The following GATAD2B variants were observed in gnomAD, a reference collection of about 807,000 sequenced individuals.
GATAD2B encodes transcriptional repressor p66-beta.
In GATAD2B, 8 loss-of-function variants were observed where a neutral mutation model predicts 64.3. The observed-to-expected ratio is 0.12, with a 90% CI of 0.07 to 0.22. GATAD2B has a LOEUF of 0.22. Among genes scored for constraint, GATAD2B ranks in the 10% least tolerant of loss-of-function variants. The pLI is 1.00. For synonymous variants in GATAD2B, 281 were observed against 271.3 expected, an observed-to-expected ratio of 1.04 and a Z score of -0.35; for missense variants, 453 against 752.0, an observed-to-expected ratio of 0.60 and a Z score of 4.65.
chr1:153,814,097 A>C (rs906786022), intron 7 of GATAD2B, among the ~76,000 whole-genome samples: 6 of 152,238 alleles, frequency 3.9e-5, no homozygotes, highest in African/African-American at 1.4e-4. Context: ...AAGGACTCTA[A>C]CTCAACCAAT....
At chr1:153,815,293 C>CAAAAAAAAAAAA (rs71093285) in intron 7 of GATAD2B, among the ~76,000 whole-genome samples, 20 of 111,834 alleles carry the variant, frequency 1.8e-4, no homozygotes, top group East Asian at 5.4e-4. Context: ...AAAAAAAAAA[C>CAAAAAAAAAAAA]AAAAAAAAAA....
At chr1:153,837,815 C>CA (rs536720137) in intron 1 of GATAD2B, among the ~76,000 whole-genome samples, 5 of 151,664 alleles carry the variant, frequency 3.3e-5, no homozygotes, top group Admixed American at 1.3e-4. Flanking sequence ...TATTCCTCTG[C>CA]AAAAAAAAGA....
intron 1 of GATAD2B, chr1:153,853,417 C>G: frequency 6.2e-6 from 4 of 643,282 alleles, no homozygotes; most frequent in Non-Finnish European, 2.8e-6. Flanking sequence ...TGCCATTTTT[C>G]TTCCTGGAGA....
intron 1 of GATAD2B, among the ~76,000 whole-genome samples, chr1:153,885,720 G>A (rs773479352): frequency 7.9e-5 from 12 of 151,868 alleles, no homozygotes; most frequent in Non-Finnish European, 1.5e-4. Context: ...AAAATTAGCC[G>A]GGCGTGGTGG....
chr1:153,866,627 C>T (rs1676484640), intron 1 of GATAD2B, among the ~76,000 whole-genome samples: 1 of 152,178 alleles, frequency 6.6e-6, no homozygotes, highest in Non-Finnish European at 1.5e-5. Flanking sequence ...TATAACCTCT[C>T]CATTTCAGTT....
chr1:153,917,016 C>T (rs1019522859), intron 1 of GATAD2B, among the ~76,000 whole-genome samples: 88 of 150,184 alleles, frequency 5.9e-4, no homozygotes, highest in African/African-American at 2.1e-3. Flanking sequence ...CCATTTTGGC[C>T]AGGCGGGTCT....
At chr1:153,881,534 C>T (rs560127284) in intron 1 of GATAD2B, among the ~76,000 whole-genome samples, 1 of 152,228 alleles carries the variant, frequency 6.6e-6, no homozygotes, top group South Asian at 2.1e-4. Flanking sequence ...ACTTCAATCC[C>T]ATTAGAAACC....
chr1:153,826,356 T>A (rs938574246), intron 2 of GATAD2B, among the ~76,000 whole-genome samples: 6 of 151,990 alleles, frequency 3.9e-5, no homozygotes, highest in African/African-American at 1.2e-4. Context: ...TGGCTGGGTG[T>A]GATGGCTCAT....
At chr1:153,814,422 C>T (rs915329891) in intron 7 of GATAD2B, among the ~76,000 whole-genome samples, 2 of 152,132 alleles carry the variant, frequency 1.3e-5, no homozygotes, top group Non-Finnish European at 2.9e-5. Context: ...TGTAAGCATT[C>T]ACAGAAGACT....
intron 1 of GATAD2B, among the ~76,000 whole-genome samples, chr1:153,909,098 G>C (rs1678038709): frequency 6.6e-6 from 1 of 152,104 alleles, no homozygotes; most frequent in African/African-American, 2.4e-5. Context: ...TCAGCTACTT[G>C]GGAGACTAAG....
intron 1 of GATAD2B, among the ~76,000 whole-genome samples, chr1:153,863,876 G>C (rs1276635023): frequency 6.6e-6 from 1 of 152,052 alleles, no homozygotes; most frequent in Non-Finnish European, 1.5e-5. Flanking sequence ...CACCTGCCTC[G>C]ATCTCACAAA....
At chr1:153,918,141 C>T (rs1036467025) in intron 1 of GATAD2B, among the ~76,000 whole-genome samples, 2 of 151,940 alleles carry the variant, frequency 1.3e-5, no homozygotes, top group Non-Finnish European at 2.9e-5. Flanking sequence ...AGATGACAGC[C>T]GATCAAAAAT....
intron 1 of GATAD2B, among the ~76,000 whole-genome samples, chr1:153,912,532 G>A (rs901695305): frequency 2.6e-5 from 4 of 152,066 alleles, no homozygotes; most frequent in East Asian, 1.9e-4. Context: ...AGAACCTAAC[G>A]GTGCAATACT....
Position 153,868,291 on chromosome 1 carries a change from T to G in GATAD2B, c.-1-39943A>C, listed in dbSNP as rs145050781. Among the ~76,000 whole-genome samples, 1,333 of 152,330 alleles carry G rather than the reference T, an allele frequency of 8.8e-3. 23 individuals are homozygous for G. Among genetic ancestry groups the G allele is most frequent in the African/African-American group, 0.031 (1,277 of 41,582 alleles). ...ACCCATTCCATGTTAACATAACTTC[T>G]TTATGAAAAATATTTTCCAAAATAA... On this transcript the variant is annotated intron_variant, in intron 1 of 10. Coordinates refer to ENST00000368655, the MANE Select transcript of GATAD2B (RefSeq NM_020699.4).
At chr1:153,872,212 G>T (rs1206565099) in intron 1 of GATAD2B, among the ~76,000 whole-genome samples, 1 of 150,970 alleles carries the variant, frequency 6.6e-6, no homozygotes, top group African/African-American at 2.4e-5. Context: ...CCAGCTATTT[G>T]GGAAGCTGAG....
intron 7 of GATAD2B, among the ~76,000 whole-genome samples, chr1:153,815,639 C>T (rs1674452088): frequency 6.6e-6 from 1 of 151,648 alleles, no homozygotes; most frequent in Admixed American, 6.6e-5. Flanking sequence ...TCAATGATAG[C>T]TGACCTGCTG....
chr1:153,824,206 G>A (rs780095332), intron 2 of GATAD2B, among the ~76,000 whole-genome samples: 9 of 152,046 alleles, frequency 5.9e-5, no homozygotes, highest in Non-Finnish European at 1.0e-4. Context: ...TTGAGCCCAG[G>A]AATTTGAGGA....
At chr1:153,870,846 G>A (rs996838101) in intron 1 of GATAD2B, among the ~76,000 whole-genome samples, 3 of 152,106 alleles carry the variant, frequency 2.0e-5, no homozygotes, top group Non-Finnish European at 4.4e-5. Flanking sequence ...TTAGATAAGG[G>A]ATACTCAAAC....
At chr1:153,907,763 T>C (rs1571005816) in intron 1 of GATAD2B, among the ~76,000 whole-genome samples, 1 of 151,758 alleles carries the variant, frequency 6.6e-6, no homozygotes, top group African/African-American at 2.4e-5. Flanking sequence ...CTCAGCCTCC[T>C]GAGTAGCTGG....
Sources: gnomAD v4.1 joint callset for allele counts (sites outside exome capture counted in the v4.1 genomes callset) on GRCh38, gnomAD v4.1.1 for gene constraint, MANE v1.5 for transcripts, NCBI Gene and HGNC (gene_info 2026-07-23, HGNC 2026-07-21) for gene names.